Variants in GYS2 observed in about 807,000 individuals in gnomAD.
GYS2 encodes glycogen synthase 2.
GYS2 carries 80 observed loss-of-function variants against 85.6 expected under a neutral mutation model. That is an observed-to-expected ratio of 0.93 (90% CI 0.78 to 1.13). GYS2 has a LOEUF of 1.13. Among genes scored for constraint, GYS2 ranks in the 50% most tolerant of loss-of-function variants. The pLI, the probability that GYS2 is intolerant of heterozygous loss-of-function variation, is 0.00. For missense variants in GYS2, 881 were observed against 854.9 expected, an observed-to-expected ratio of 1.03 and a Z score of -0.38; for synonymous variants, 328 against 300.7, an observed-to-expected ratio of 1.09 and a Z score of -0.94.
intron 12 of GYS2, among the ~76,000 whole-genome samples, chr12:21,543,670 G>A (rs981660990): frequency 2.4e-4 from 36 of 151,978 alleles, no homozygotes; most frequent in African/African-American, 7.7e-4. Context: ...GTGGTTTGCT[G>A]CACCTATCAA....
At chr12:21,537,989 A>G (rs1263295295) in intron 15 of GYS2, among the ~76,000 whole-genome samples, 3 of 152,202 alleles carry the variant, frequency 2.0e-5, no homozygotes, top group Admixed American at 2.0e-4. Context: ...TAAGGTTCAG[A>G]TACTTTACCT....
chr12:21,574,367 G>A (rs1428260697), intron 3 of GYS2, 41 bp from the exon 4 acceptor site: 2 of 1,500,188 alleles, frequency 1.3e-6, no homozygotes, highest in South Asian at 2.3e-5. Flanking sequence ...AGTTGTTGAT[G>A]AAGCTTGATT....
intron 11 of GYS2, among the ~76,000 whole-genome samples, chr12:21,553,150 A>G (rs561319708): frequency 6.6e-6 from 1 of 152,314 alleles, no homozygotes; most frequent in African/African-American, 2.4e-5. Flanking sequence ...CCTGGCCTCA[A>G]GTGATCCCCC....
chr12:21,564,207 G>A (rs1944290534), intron 5 of GYS2, among the ~76,000 whole-genome samples: 1 of 152,204 alleles, frequency 6.6e-6, no homozygotes, highest in South Asian at 2.1e-4. Context: ...GGGCTATGAA[G>A]ATTTTTGTAA....
intron 12 of GYS2, among the ~76,000 whole-genome samples, chr12:21,543,766 C>T (rs1168185705): frequency 1.3e-5 from 2 of 152,078 alleles, no homozygotes; most frequent in African/African-American, 2.4e-5. Context: ...CGACAGGCCC[C>T]GATGTGTGAT....
At chr12:21,562,605 G>C (rs1944267128) in intron 7 of GYS2, among the ~76,000 whole-genome samples, 1 of 146,122 alleles carries the variant, frequency 6.8e-6, no homozygotes, top group Non-Finnish European at 1.5e-5. Context: ...CTCATGTGAG[G>C]GAAAAGGGAT....
At chr12:21,569,076 C>T (rs552808112) in intron 4 of GYS2, 67 bp from the exon 5 acceptor site, 137 of 1,519,904 alleles carry the variant, frequency 9.0e-5, no homozygotes, top group Admixed American at 7.0e-4. Context: ...TAAACAAAAT[C>T]ACACATTTCA....
At chr12:21,573,689 T>A (rs975870417) in intron 4 of GYS2, among the ~76,000 whole-genome samples, 1 of 152,212 alleles carries the variant, frequency 6.6e-6, no homozygotes, top group Non-Finnish European at 1.5e-5. Flanking sequence ...ATAATGTGGC[T>A]TTTAATCAAT....
At chr12:21,541,833 G>C (rs1370198774) in intron 13 of GYS2, among the ~76,000 whole-genome samples, 2 of 152,044 alleles carry the variant, frequency 1.3e-5, no homozygotes, top group East Asian at 3.9e-4. Context: ...CTGGTAGGTA[G>C]TCTTTCAACC....
intron 2 of GYS2, 25 bp downstream of exon 2, chr12:21,580,317 C>A: frequency 6.3e-7 from 1 of 1,595,108 alleles, no homozygotes; most frequent in Non-Finnish European, 8.6e-7. Flanking sequence ...CTGAGAATTG[C>A]CAAGTGAAGT....
intron 1 of GYS2, among the ~76,000 whole-genome samples, chr12:21,591,148 G>A (rs146715345): frequency 1.5e-3 from 222 of 152,018 alleles, no homozygotes; most frequent in African/African-American, 5.2e-3. Flanking sequence ...GGAAAAAAAA[G>A]ACATTTATAA....
intron 11 of GYS2, among the ~76,000 whole-genome samples, chr12:21,547,017 C>G (rs969264455): frequency 1.3e-5 from 2 of 152,146 alleles, no homozygotes; most frequent in Non-Finnish European, 2.9e-5. Context: ...TAGAGACCAT[C>G]ACCTCCTAAC....
At chr12:21,546,608 C>CAAAAGA (rs1318869249) in intron 11 of GYS2, 138 bp from the exon 12 acceptor site, 3 of 613,460 alleles carry the variant, frequency 4.9e-6, no homozygotes, top group South Asian at 4.0e-5. Flanking sequence ...AGAGATAAGA[C>CAAAAGA]AAAAGAAAAA....
intron 10 of GYS2, among the ~76,000 whole-genome samples, chr12:21,558,544 A>G (rs773197061): frequency 2.6e-5 from 4 of 152,128 alleles, no homozygotes; most frequent in East Asian, 1.9e-4. Flanking sequence ...TGCAGCTACT[A>G]TATGAGAGAC....
At chr12:21,593,926 G>T (rs1347056468) in intron 1 of GYS2, among the ~76,000 whole-genome samples, 1 of 152,026 alleles carries the variant, frequency 6.6e-6, no homozygotes, top group Non-Finnish European at 1.5e-5. Flanking sequence ...GATCAAGTGG[G>T]ATTTATACTA....
chr12:21,565,941 A>C (rs760616943), intron 5 of GYS2, among the ~76,000 whole-genome samples: 6 of 152,160 alleles, frequency 3.9e-5, no homozygotes, highest in Non-Finnish European at 8.8e-5. Context: ...TTGCAACACT[A>C]TTAATGACTA....
At chr12:21,567,661 G>C (rs1016576426) in intron 5 of GYS2, among the ~76,000 whole-genome samples, 2 of 151,710 alleles carry the variant, frequency 1.3e-5, no homozygotes, top group Non-Finnish European at 1.5e-5. Context: ...GGATGATTTC[G>C]TTGCAAGTAA....
rs1943909046 is a variant in GYS2 at position 21,536,242 on chromosome 12, C to G, written c.*712G>C. 6.6e-6 allele frequency: 1 copy of G among 152,292 alleles called. No individual in the cohort carries two copies. Among genetic ancestry groups the G allele is most frequent in the East Asian group, 1.9e-4 (1 of 5,176 alleles). The allele number at this position is 152,292 out of a possible 1,614,324, so 9.4% of individuals were successfully genotyped here. The stretch of plus-strand genomic sequence containing the variant: ...TTACTTGGATTTTACAAGTTATCAT[C>G]TATGAAGATTGACCAAATTTTAAAA... On this transcript the variant is annotated 3_prime_UTR_variant, in exon 16 of 16. Transcript: ENST00000261195.
At chr12:21,602,819 C>T (rs933885084) in intron 1 of GYS2, among the ~76,000 whole-genome samples, 1 of 151,946 alleles carries the variant, frequency 6.6e-6, no homozygotes, top group South Asian at 2.1e-4. Context: ...TTCCCAGTGC[C>T]CAGGTAACAG....
Sources: gnomAD v4.1 joint callset for allele counts (sites outside exome capture counted in the v4.1 genomes callset) on GRCh38, gnomAD v4.1.1 for gene constraint, MANE v1.5 for transcripts, NCBI Gene and HGNC (gene_info 2026-07-23, HGNC 2026-07-21) for gene names.